NAV3: variants seen among roughly 807,000 people sequenced by gnomAD.
NAV3 encodes the protein pore membrane and/or filament interacting like protein 1.
In NAV3, 87 loss-of-function variants were observed where a neutral mutation model predicts 244.7. That is an observed-to-expected ratio of 0.36 (90% CI 0.30 to 0.42). The LOEUF is 0.42. Ranked by LOEUF, NAV3 falls within the 20% of genes least tolerant of loss-of-function variation. The probability of loss-of-function intolerance (pLI) is 1.00; values close to 1 mark genes in which losing one functional copy is unlikely to be tolerated. For missense variants in NAV3, 2,663 were observed against 2,893.3 expected, an observed-to-expected ratio of 0.92 and a Z score of 1.83; for synonymous variants, 1,126 against 1,042.2, an observed-to-expected ratio of 1.08 and a Z score of -1.55.
chr12:77,931,823 C>A (rs1304175545), intron 1 of NAV3, among the ~76,000 whole-genome samples: 1 of 151,934 alleles, frequency 6.6e-6, no homozygotes, highest in Non-Finnish European at 1.5e-5. Context: ...GCCGAGATCG[C>A]GCCACTGCAC....
At chr12:78,037,708 T>G (rs1229166058) in intron 9 of NAV3, among the ~76,000 whole-genome samples, 1 of 152,106 alleles carries the variant, frequency 6.6e-6, no homozygotes, top group Admixed American at 6.6e-5. Context: ...TCCAAACATG[T>G]TTTTCACCTA....
At chr12:77,822,152 T>G (rs1872769865) in intron 2 of NAV3, among the ~76,000 whole-genome samples, 1 of 152,204 alleles carries the variant, frequency 6.6e-6, no homozygotes, top group Admixed American at 6.5e-5. Flanking sequence ...TAAATTTTAT[T>G]TGCTCAACTA....
At chr12:77,662,911 A>G (rs993570456) in intron 2 of NAV3, among the ~76,000 whole-genome samples, 5 of 152,150 alleles carry the variant, frequency 3.3e-5, no homozygotes, top group African/African-American at 1.2e-4. Flanking sequence ...TGAGTATTTA[A>G]GTGAGTATGT....
At chr12:77,740,287 A>G (rs190556689) in intron 2 of NAV3, among the ~76,000 whole-genome samples, 8 of 152,248 alleles carry the variant, frequency 5.3e-5, no homozygotes, top group Admixed American at 5.2e-4. Context: ...TTAATTTGAC[A>G]TTTCTAATGT....
intron 2 of NAV3, among the ~76,000 whole-genome samples, chr12:77,763,562 G>A (rs992655922): frequency 9.9e-5 from 15 of 152,206 alleles, no homozygotes; most frequent in Admixed American, 1.3e-4. Context: ...ACCATTGGTT[G>A]TGCAGAGGTC....
chr12:77,696,093 A>T (rs763582491), intron 2 of NAV3, among the ~76,000 whole-genome samples: 1 of 152,136 alleles, frequency 6.6e-6, no homozygotes, highest in Non-Finnish European at 1.5e-5. Flanking sequence ...ACCTAATTCA[A>T]TCACACTGAG....
chr12:77,933,359 G>A (rs1479020), intron 1 of NAV3, among the ~76,000 whole-genome samples: 58,957 of 151,872 alleles, frequency 0.39, 12,065 homozygotes, highest in African/African-American at 0.53. Flanking sequence ...AGAGATGTTA[G>A]GGAGATAAAA....
intron 1 of NAV3, among the ~76,000 whole-genome samples, chr12:77,847,979 T>A: frequency 6.6e-6 from 1 of 152,214 alleles, no homozygotes; most frequent in Non-Finnish European, 1.5e-5. Context: ...TTCAAATGTC[T>A]TGCCACCTGG....
At chr12:78,114,284 G>T (rs1396196328) in intron 12 of NAV3, among the ~76,000 whole-genome samples, 2 of 152,094 alleles carry the variant, frequency 1.3e-5, no homozygotes, top group Admixed American at 6.5e-5. Context: ...CTGTTACCCA[G>T]TTGCAAAGTT....
intron 34 of NAV3, among the ~76,000 whole-genome samples, chr12:78,194,407 C>T (rs1248524591): frequency 6.6e-6 from 1 of 151,988 alleles, no homozygotes; most frequent in Non-Finnish European, 1.5e-5. Flanking sequence ...TATATTCATT[C>T]ACCTCATGGA....
chr12:78,024,123 G>A (rs921405634), intron 9 of NAV3, among the ~76,000 whole-genome samples: 6 of 152,006 alleles, frequency 3.9e-5, no homozygotes, highest in South Asian at 4.1e-4. Flanking sequence ...ACTTTTTACC[G>A]TTCTTCACCA....
chr12:77,808,591 C>T (rs1378189848), intron 2 of NAV3, among the ~76,000 whole-genome samples: 5 of 152,182 alleles, frequency 3.3e-5, no homozygotes, highest in Non-Finnish European at 7.3e-5. Context: ...CCAGAGCTCT[C>T]CTGTATGAGG....
At chr12:78,159,641 C>T (rs1957444220) in intron 23 of NAV3, among the ~76,000 whole-genome samples, 1 of 151,872 alleles carries the variant, frequency 6.6e-6, no homozygotes, top group Admixed American at 6.6e-5. Context: ...TGCACTCCAG[C>T]CTGGGAGACA....
intron 2 of NAV3, among the ~76,000 whole-genome samples, chr12:77,700,638 A>G (rs1416347311): frequency 6.6e-6 from 1 of 152,044 alleles, no homozygotes; most frequent in African/African-American, 2.4e-5. Context: ...TTTACCACTG[A>G]GTATGATTTG....
At chr12:77,779,513 G>A (rs1870557962) in intron 2 of NAV3, among the ~76,000 whole-genome samples, 1 of 152,120 alleles carries the variant, frequency 6.6e-6, no homozygotes, top group South Asian at 2.1e-4. Flanking sequence ...GTTCCCTCAT[G>A]GAACTGAGCA....
At chr12:78,066,732 A>G (rs1204356373) in intron 12 of NAV3, among the ~76,000 whole-genome samples, 1 of 152,068 alleles carries the variant, frequency 6.6e-6, no homozygotes, top group African/African-American at 2.4e-5. Flanking sequence ...TACATCATAG[A>G]AATTATTTTT....
At position 77,875,670 on chromosome 12, in the gene NAV3, G is replaced by T. The variant is rs139806135; in HGVS notation, c.243+43966G>T. Reference sequence around the variant, plus strand: ...GAGATAGCATTTTTATTGTATTCCTGCTCATATGATTTATATATTTAATTG... The same window carrying T: ...GAGATAGCATTTTTATTGTATTCCTTCTCATATGATTTATATATTTAATTG... On this transcript the variant is annotated intron_variant, in intron 1 of 39. Transcript: ENST00000397909. Among the ~76,000 whole-genome samples the T allele has an allele frequency of 3.0e-3, 461 of 151,986 alleles. 1 individual carries two copies. Among genetic ancestry groups the T allele is most frequent in the African/African-American group, 0.011 (443 of 41,504 alleles).
In NAV3 at chr12:77,811,884, T is replaced by A. The variant is rs184450942; in HGVS notation, c.73-128435T>A. 7.2e-5 allele frequency among the ~76,000 whole-genome samples: 11 copies of A among 152,348 alleles called. 1 individual carries two copies. The highest frequency in any genetic ancestry group is 3.4e-3 in the Middle Eastern group (1 of 294). On this transcript the variant is annotated intron_variant, in intron 2 of 8. Coordinates refer to the NAV3 transcript ENST00000550042. ...TGACATTAATACATTCACAATATTG[T>A]GAATTTGCCAACTCAAACTAGTTCC...
At chr12:77,994,954 T>C in intron 6 of NAV3, 83 bp downstream of exon 6, 1 of 983,090 alleles carries the variant, frequency 1.0e-6, no homozygotes, top group Non-Finnish European at 1.5e-6. Flanking sequence ...CTTTTTTTTT[T>C]AATGATGCAC....
Sources: gnomAD v4.1 joint callset for allele counts (sites outside exome capture counted in the v4.1 genomes callset) on GRCh38, gnomAD v4.1.1 for gene constraint, MANE v1.5 for transcripts, NCBI Gene and HGNC (gene_info 2026-07-23, HGNC 2026-07-21) for gene names.